MID1: variants seen among roughly 807,000 people sequenced by gnomAD.
MID1 encodes the protein E3 ubiquitin-protein ligase Midline-1.
In MID1, 7 loss-of-function variants were observed where a neutral mutation model predicts 40.4. The ratio of observed to expected loss-of-function variants is 0.17; its 90% CI spans 0.10 to 0.33. MID1 has a LOEUF of 0.33. Among genes scored for constraint, MID1 ranks in the 10% least tolerant of loss-of-function variants. The pLI, the probability that MID1 is intolerant of heterozygous loss-of-function variation, is 1.00. For synonymous variants in MID1, 229 were observed against 221.2 expected, an observed-to-expected ratio of 1.04 and a Z score of -0.31; for missense variants, 367 against 558.5, an observed-to-expected ratio of 0.66 and a Z score of 3.46.
At chrX:10,527,527 G>A (rs1053950828) in intron 2 of MID1, among the ~76,000 whole-genome samples, 3 of 111,956 alleles carry the variant, frequency 2.7e-5, no homozygotes, top group African/African-American at 9.8e-5. Flanking sequence ...CACAGTTCCA[G>A]ACACTAGAAG....
At chrX:10,539,340 T>A (rs1380955843) in intron 2 of MID1, among the ~76,000 whole-genome samples, 2 of 111,976 alleles carry the variant, frequency 1.8e-5, no homozygotes, top group East Asian at 5.6e-4. Flanking sequence ...TAATGATCCA[T>A]CTCCCTATAA....
chrX:10,630,495 G>C (rs745734008), intron 1 of MID1, among the ~76,000 whole-genome samples: 19 of 109,224 alleles, frequency 1.7e-4, no homozygotes, highest in African/African-American at 5.7e-4. Flanking sequence ...ACAGTAGTAG[G>C]AGCTGAAGTC....
At chrX:10,754,299 G>GTTTTTTTTT (rs1268373586) in intron 1 of MID1, among the ~76,000 whole-genome samples, 2 of 102,181 alleles carry the variant, frequency 2.0e-5, no homozygotes, top group African/African-American at 8.7e-5. Flanking sequence ...AGACAAGAGA[G>GTTTTTTTTT]TTTTTTTTTG....
In MID1 at chrX:10,693,428, G is replaced by C. The variant is rs959261187; in HGVS notation, c.-186-73009C>G. Among the ~76,000 whole-genome samples, 3 of 109,182 alleles carry C rather than the reference G, an allele frequency of 2.7e-5. No homozygotes were observed. In the East Asian group the frequency reaches 8.6e-4, roughly 31 times the overall value. 94.8% of individuals were successfully genotyped at this position (109,182 alleles called of 115,157 possible). A position where few individuals can be genotyped will look rare whatever the true frequency, so the allele number is the denominator to read the frequency against. On this transcript the variant is annotated intron_variant, in intron 1 of 10. Coordinates refer to the MID1 transcript ENST00000380785. Reference sequence around the variant, plus strand: ...GCTTGTCTTGAACTCGTGGGCTCAAGTAATTCTCTTGCCTCAGCTTCCCGA... The same window carrying C: ...GCTTGTCTTGAACTCGTGGGCTCAACTAATTCTCTTGCCTCAGCTTCCCGA...
At chrX:10,484,582 C>T (rs996390586) in intron 4 of MID1, among the ~76,000 whole-genome samples, 9 of 112,032 alleles carry the variant, frequency 8.0e-5, no homozygotes, top group African/African-American at 2.9e-4. Flanking sequence ...CAATTTTGGG[C>T]ATAATTTTAG....
chrX:10,711,376 G>A (rs2043266650), intron 1 of MID1, among the ~76,000 whole-genome samples: 2 of 111,683 alleles, frequency 1.8e-5, no homozygotes, highest in African/African-American at 6.5e-5. Flanking sequence ...CCTCTTTCAG[G>A]CCTCTGTAAA....
At chrX:10,660,774 C>A (rs769496503) in intron 1 of MID1, among the ~76,000 whole-genome samples, 1 of 111,372 alleles carries the variant, frequency 9.0e-6, no homozygotes, top group Non-Finnish European at 1.9e-5. Flanking sequence ...TAATTATTTT[C>A]CACAGCATCA....
chrX:10,804,531 G>A (rs774764515), intron 1 of MID1, among the ~76,000 whole-genome samples: 3 of 111,555 alleles, frequency 2.7e-5, no homozygotes, highest in Non-Finnish European at 3.8e-5. Context: ...GTATCTTTAC[G>A]TTTCCCTAGA....
chrX:10,671,609 T>C (rs1455504295), intron 1 of MID1, among the ~76,000 whole-genome samples: 1 of 111,239 alleles, frequency 9.0e-6, no homozygotes, highest in Non-Finnish European at 1.9e-5. Context: ...GAGTCCCCCA[T>C]CCTCTCTACC....
In MID1 at chrX:10,663,969, C is replaced by T. The variant is rs750062393; in HGVS notation, c.-186-43550G>A. 3.6e-5 allele frequency among the ~76,000 whole-genome samples: 4 copies of T among 111,429 alleles called. No homozygotes were observed. The South Asian group carries it at 1.5e-3, about 42-fold the overall frequency. ...CACACCCATATACATGCCACAAATA[C>T]ACAATCACAGCCAAATGAAATATGA... On this transcript the variant is annotated intron_variant, in intron 1 of 10. Coordinates refer to the MID1 transcript ENST00000380785.
chrX:10,829,124 C>T (rs1316054013), intron 1 of MID1, among the ~76,000 whole-genome samples: 2 of 111,859 alleles, frequency 1.8e-5, no homozygotes, highest in Non-Finnish European at 3.8e-5. Flanking sequence ...CTGTTTTGTT[C>T]CCCCAAGGCA....
intron 2 of MID1, among the ~76,000 whole-genome samples, chrX:10,556,831 A>C (rs899691601): frequency 1.8e-5 from 2 of 112,511 alleles, no homozygotes; most frequent in Admixed American, 9.4e-5. Context: ...TTACAATTGC[A>C]TTTGTATCAG....
intron 3 of MID1, chrX:10,505,431 C>T: frequency 1.3e-6 from 1 of 752,372 alleles, no homozygotes; most frequent in Non-Finnish European, 1.6e-6. Flanking sequence ...AAACAATAAA[C>T]TCCTCCCTTC....
chrX:10,521,943 G>C (rs1932732034), intron 3 of MID1, among the ~76,000 whole-genome samples: 1 of 111,859 alleles, frequency 8.9e-6, no homozygotes, highest in Non-Finnish European at 1.9e-5. Flanking sequence ...AGGCTTGGGT[G>C]ATCCTCCCAC....
intron 2 of MID1, among the ~76,000 whole-genome samples, chrX:10,543,525 T>G (rs1028919475): frequency 9.0e-6 from 1 of 111,298 alleles, no homozygotes; most frequent in Non-Finnish European, 1.9e-5. Context: ...GAATGTATGA[T>G]TACCCTGATT....
intron 3 of MID1, among the ~76,000 whole-genome samples, chrX:10,518,448 C>T (rs1036900155): frequency 9.0e-6 from 1 of 111,632 alleles, no homozygotes; most frequent in Non-Finnish European, 1.9e-5. Flanking sequence ...TCCAAATTAG[C>T]TATGCTAGTC....
chrX:10,695,868 AT>A (rs1298297993), intron 1 of MID1, among the ~76,000 whole-genome samples: 1 of 111,951 alleles, frequency 8.9e-6, no homozygotes, highest in Non-Finnish European at 1.9e-5. Context: ...AATACACAGT[AT>A]GAAAAAAAGC....
chrX:10,577,626 CATATATAAAAACATCGTGTGTGTATATAT>C (rs1569113128), intron 1 of MID1, among the ~76,000 whole-genome samples: 1 of 103,804 alleles, frequency 9.6e-6, no homozygotes, highest in African/African-American at 3.9e-5. Flanking sequence ...TATGTACACA[CATATATAAAAACATCGTGTGTGTATATAT>C]ATATATATAT....
At chrX:10,802,234 C>G (rs1423714981) in intron 1 of MID1, among the ~76,000 whole-genome samples, 1 of 111,315 alleles carries the variant, frequency 9.0e-6, no homozygotes, top group African/African-American at 3.3e-5. Flanking sequence ...AACTATCAAC[C>G]GAGTAAACAA....
Sources: allele counts gnomAD v4.1 joint callset (sites outside exome capture counted in the v4.1 genomes callset), GRCh38; gene constraint gnomAD v4.1.1; transcripts MANE v1.5; gene names NCBI Gene and HGNC (gene_info 2026-07-23, HGNC 2026-07-21).